BRINP3: variants seen among roughly 807,000 people sequenced by gnomAD.
BRINP3 encodes BMP/retinoic acid inducible neural specific 3.
Under a neutral mutation model 71.0 loss-of-function variants are expected in BRINP3, and 19 were observed. That is an observed-to-expected ratio of 0.27 (90% CI 0.19 to 0.39). The LOEUF is 0.39. Ranked by LOEUF, BRINP3 falls within the 10% of genes least tolerant of loss-of-function variation. The pLI is 1.00. For missense variants in BRINP3, 959 were observed against 940.8 expected, an observed-to-expected ratio of 1.02 and a Z score of -0.25; for synonymous variants, 380 against 337.7, an observed-to-expected ratio of 1.13 and a Z score of -1.37.
At chr1:190,297,187 G>T (rs891093084) in intron 2 of BRINP3, among the ~76,000 whole-genome samples, 1 of 151,780 alleles carries the variant, frequency 6.6e-6, no homozygotes, top group Non-Finnish European at 1.5e-5. Flanking sequence ...AAAATAATAT[G>T]GTACTTGTAT....
chr1:190,438,088 A>G (rs1674583996), intron 2 of BRINP3, among the ~76,000 whole-genome samples: 2 of 151,326 alleles, frequency 1.3e-5, no homozygotes, highest in South Asian at 2.1e-4. Flanking sequence ...TCTCTAAAAT[A>G]TCTTCCCATA....
chr1:190,228,910 C>T (rs1657667779), intron 5 of BRINP3, among the ~76,000 whole-genome samples: 1 of 152,020 alleles, frequency 6.6e-6, no homozygotes, highest in Non-Finnish European at 1.5e-5. Context: ...AGCCTATGTG[C>T]TTCCTGTAAA....
intron 2 of BRINP3, among the ~76,000 whole-genome samples, chr1:190,377,569 A>G (rs1028947811): frequency 1.4e-5 from 2 of 147,350 alleles, no homozygotes; most frequent in Non-Finnish European, 3.0e-5. Context: ...ATATATATGT[A>G]ATCTGTTGCT....
chr1:190,372,055 C>A (rs891129913), intron 2 of BRINP3, among the ~76,000 whole-genome samples: 1 of 152,146 alleles, frequency 6.6e-6, no homozygotes, highest in African/African-American at 2.4e-5. Flanking sequence ...TTAGAGTAGT[C>A]TTTAGCTTCA....
At chr1:190,354,551 C>T (rs574851261) in intron 2 of BRINP3, among the ~76,000 whole-genome samples, 3 of 152,060 alleles carry the variant, frequency 2.0e-5, no homozygotes, top group African/African-American at 7.2e-5. Flanking sequence ...TTAAATACTA[C>T]AGTGAACTAT....
chr1:190,122,034 GC>G (rs916123747), intron 7 of BRINP3, among the ~76,000 whole-genome samples: 6 of 152,140 alleles, frequency 3.9e-5, no homozygotes, highest in African/African-American at 1.4e-4. Context: ...AAGGGTAGTA[GC>G]AGTGAAGTGA....
At chr1:190,451,112 A>G (rs1368003849) in intron 2 of BRINP3, among the ~76,000 whole-genome samples, 2 of 152,182 alleles carry the variant, frequency 1.3e-5, no homozygotes, top group African/African-American at 4.8e-5. Context: ...GAAAAATTAT[A>G]AGAAAATCAA....
At chr1:190,265,240 A>G (rs1239882684) in intron 3 of BRINP3, among the ~76,000 whole-genome samples, 185 bp from the exon 4 acceptor site, 2 of 152,058 alleles carry the variant, frequency 1.3e-5, no homozygotes, top group African/African-American at 4.8e-5. Flanking sequence ...TGCCTGGGAT[A>G]TTGGTCACTT....
intron 2 of BRINP3, among the ~76,000 whole-genome samples, chr1:190,328,974 G>C (rs532849483): frequency 6.6e-6 from 1 of 152,056 alleles, no homozygotes; most frequent in South Asian, 2.1e-4. Context: ...ATCCAACGTT[G>C]CTTCATGATA....
chr1:190,141,555 C>CTTTT lies in BRINP3; in HGVS notation c.1184+19109_1184+19112dup, dbSNP rs35090212. 1.8e-3 allele frequency among the ~76,000 whole-genome samples: 146 copies of CTTTT among 82,378 alleles called. 1 individual carries two copies. The highest frequency in any genetic ancestry group is 2.1e-3 in the Non-Finnish European group (96 of 46,666). The allele number at this position is 82,378 out of a possible 152,430, so 54.0% of individuals were successfully genotyped here. On this transcript the variant is annotated intron_variant, in intron 7 of 7. Coordinates refer to ENST00000367462, the MANE Select transcript of BRINP3 (RefSeq NM_199051.3). ...CTTTCTCTCTCTCTTTCTTTCTTTC[C>CTTTT]TTTTTTTTTTTTTTTTTTTTTTTTG...
intron 5 of BRINP3, among the ~76,000 whole-genome samples, chr1:190,233,499 A>G (rs1658209000): frequency 6.6e-6 from 1 of 152,160 alleles, no homozygotes; most frequent in Non-Finnish European, 1.5e-5. Flanking sequence ...ATTTTTCAAG[A>G]TTGCAAAGTT....
chr1:190,182,623 A>G (rs1653126969), intron 6 of BRINP3, among the ~76,000 whole-genome samples: 1 of 152,108 alleles, frequency 6.6e-6, no homozygotes, highest in East Asian at 1.9e-4. Flanking sequence ...CAGCTCAGCG[A>G]GGTAATCTCT....
Position 190,380,819 on chromosome 1 carries a change from C to T in BRINP3, c.236+73836G>A, listed in dbSNP as rs547142063. 9.9e-5 allele frequency among the ~76,000 whole-genome samples: 15 copies of T among 151,934 alleles called. No individual in the cohort carries two copies. In the South Asian group the frequency reaches 2.9e-3, roughly 30 times the overall value. On this transcript the variant is annotated intron_variant, in intron 2 of 7. Coordinates refer to ENST00000367462, the MANE Select transcript of BRINP3 (RefSeq NM_199051.3). ...AGATAGCAGAACTTCTAAAAAAAAA[C>T]ACAATTTGTTCGAGCTTACAAAATT...
chr1:190,279,822 G>T (rs4356055), intron 3 of BRINP3, among the ~76,000 whole-genome samples: 5 of 151,778 alleles, frequency 3.3e-5, no homozygotes, highest in Non-Finnish European at 1.5e-5. Context: ...CTTGCATTCA[G>T]AATTATTCCT....
At chr1:190,406,632 T>C (rs1261753178) in intron 2 of BRINP3, among the ~76,000 whole-genome samples, 1 of 152,166 alleles carries the variant, frequency 6.6e-6, no homozygotes, top group Non-Finnish European at 1.5e-5. Context: ...ATTTGTATGC[T>C]GAGAACGCAG....
intron 6 of BRINP3, among the ~76,000 whole-genome samples, chr1:190,164,954 G>GT (rs941874184): frequency 1.6e-4 from 25 of 151,674 alleles, no homozygotes; most frequent in Non-Finnish European, 2.5e-4. Flanking sequence ...TTATGTATGT[G>GT]TTTTTTTAAA....
intron 2 of BRINP3, among the ~76,000 whole-genome samples, chr1:190,292,829 T>A (rs1855242): frequency 0.21 from 31,353 of 151,998 alleles, 3,666 homozygotes; most frequent in Middle Eastern, 0.29. Flanking sequence ...TTCCAATTTG[T>A]TAGCATATAG....
At chr1:190,223,480 C>G (rs577112093) in intron 6 of BRINP3, among the ~76,000 whole-genome samples, 3 of 152,022 alleles carry the variant, frequency 2.0e-5, no homozygotes, top group Non-Finnish European at 2.9e-5. Flanking sequence ...GATAAAAACT[C>G]TCATCAAAAT....
At chr1:190,191,002 G>T (rs2102572755) in intron 6 of BRINP3, among the ~76,000 whole-genome samples, 1 of 152,234 alleles carries the variant, frequency 6.6e-6, no homozygotes, top group Middle Eastern at 3.4e-3. Flanking sequence ...AAGCGATAAT[G>T]AGGATAGTTT....
Sources: gnomAD v4.1 joint callset for allele counts (sites outside exome capture counted in the v4.1 genomes callset) on GRCh38, gnomAD v4.1.1 for gene constraint, MANE v1.5 for transcripts, NCBI Gene and HGNC (gene_info 2026-07-23, HGNC 2026-07-21) for gene names.